Variants in CLVS1 observed in about 807,000 individuals in gnomAD.
CLVS1 encodes clavesin 1.
CLVS1 carries 10 observed loss-of-function variants against 33.1 expected under a neutral mutation model. That is an observed-to-expected ratio of 0.30 (90% CI 0.19 to 0.51). The LOEUF is 0.51. CLVS1 is among the 20% of genes least tolerant of loss of function. The pLI is 0.97. For synonymous variants in CLVS1, 163 were observed against 166.1 expected (o/e 0.98, Z 0.14); for missense variants, 343 against 433.4 (o/e 0.79, Z 1.85).
At chr8:61,171,100 C>G (rs1210063545) in intron 2 of CLVS1, among the ~76,000 whole-genome samples, 2 of 151,986 alleles carry the variant, frequency 1.3e-5, no homozygotes, top group South Asian at 2.1e-4. Context: ...AGTTTCGCAG[C>G]TTTCTGTTAG....
intron 1 of CLVS1, among the ~76,000 whole-genome samples, chr8:61,067,131 C>T (rs895990755): frequency 2.0e-5 from 3 of 152,138 alleles, no homozygotes; most frequent in Non-Finnish European, 4.4e-5. Flanking sequence ...TTCTCCTACA[C>T]CCTGACCTGT....
chr8:61,018,851 GAAGA>G, the CLVS1 span, among the ~76,000 whole-genome samples: 2 of 152,226 alleles, frequency 1.3e-5, no homozygotes, highest in Admixed American at 6.5e-5. Flanking sequence ...ACTTGCAATA[GAAGA>G]AAGAAAGTTA....
chr8:61,145,786 G>A (rs991763424), intron 2 of CLVS1, among the ~76,000 whole-genome samples: 7 of 152,184 alleles, frequency 4.6e-5, no homozygotes, highest in Non-Finnish European at 2.9e-5. Context: ...TTATGATGTC[G>A]TCTCTTTGTG....
intron 1 of CLVS1, among the ~76,000 whole-genome samples, chr8:61,098,530 C>A (rs1348380026): frequency 6.6e-6 from 1 of 152,024 alleles, no homozygotes. Context: ...TGCATAATAA[C>A]CATCACACTT....
chr8:61,277,924 G>C (rs1809593804), intron 2 of CLVS1, among the ~76,000 whole-genome samples: 1 of 152,098 alleles, frequency 6.6e-6, no homozygotes, highest in South Asian at 2.1e-4. Context: ...GCAACTAGTG[G>C]GAAGGCAAAT....
intron 2 of CLVS1, among the ~76,000 whole-genome samples, chr8:61,146,430 T>G (rs1183082003): frequency 2.0e-5 from 3 of 152,114 alleles, no homozygotes; most frequent in Non-Finnish European, 4.4e-5. Flanking sequence ...CTCTGAGTAA[T>G]GAGGGAGGAT....
At chr8:61,457,156 C>T (rs1032807752) in intron 4 of CLVS1, among the ~76,000 whole-genome samples, 1 of 151,902 alleles carries the variant, frequency 6.6e-6, no homozygotes, top group Non-Finnish European at 1.5e-5. Context: ...AGGCTGGTCT[C>T]GAACTCCTGA....
intron 1 of CLVS1, among the ~76,000 whole-genome samples, chr8:61,295,972 T>A (rs1039858384): frequency 6.6e-6 from 1 of 152,184 alleles, no homozygotes; most frequent in African/African-American, 2.4e-5. Context: ...TTCCACTTCT[T>A]CATGTTGTAC....
intron 2 of CLVS1, among the ~76,000 whole-genome samples, chr8:61,144,639 T>C (rs564178737): frequency 6.6e-6 from 1 of 152,318 alleles, no homozygotes; most frequent in African/African-American, 2.4e-5. Flanking sequence ...CACACTGTCT[T>C]CCACAATGGT....
chr8:61,174,534 A>G lies in CLVS1; in HGVS notation c.-152+42674A>G, dbSNP rs879441717. 2.6e-5 allele frequency among the ~76,000 whole-genome samples: 4 copies of G among 152,238 alleles called. No homozygotes were observed. The South Asian group carries it at 6.2e-4, about 24-fold the overall frequency. ...GAAAAAATGATAATGTGCAAAGTTA[A>G]AAATACACTGTGTGACCAGCTAGAA... On this transcript the variant is annotated intron_variant, in intron 2 of 2. Coordinates refer to the CLVS1 transcript ENST00000522621.
At chr8:61,087,431 T>C (rs1446057906) in intron 1 of CLVS1, among the ~76,000 whole-genome samples, 3 of 152,226 alleles carry the variant, frequency 2.0e-5, no homozygotes, top group African/African-American at 7.2e-5. Context: ...TATGATTTTC[T>C]CCATCAAGTG....
At chr8:61,132,953 C>T (rs1806127548) in intron 2 of CLVS1, among the ~76,000 whole-genome samples, 1 of 152,194 alleles carries the variant, frequency 6.6e-6, no homozygotes. Context: ...GTGGGCCTCA[C>T]AGGGTCTGGC....
At chr8:61,190,097 T>A (rs1238796484) in intron 2 of CLVS1, among the ~76,000 whole-genome samples, 1 of 152,194 alleles carries the variant, frequency 6.6e-6, no homozygotes, top group African/African-American at 2.4e-5. Context: ...ATTGCACTTA[T>A]TCTAAAATTG....
intron 2 of CLVS1, among the ~76,000 whole-genome samples, chr8:61,147,845 GA>G (rs575653657): frequency 4.5e-4 from 68 of 152,066 alleles, no homozygotes; most frequent in African/African-American, 1.5e-3. Context: ...AGGAAAGTGA[GA>G]AAAAAAACTT....
chr8:61,062,775 C>T (rs574396481), intron 1 of CLVS1, among the ~76,000 whole-genome samples: 2 of 152,286 alleles, frequency 1.3e-5, no homozygotes, highest in East Asian at 1.9e-4. Flanking sequence ...TCAGCTTCTC[C>T]ATATGTCTTT....
At chr8:61,273,690 G>C (rs972553575) in intron 2 of CLVS1, among the ~76,000 whole-genome samples, 2 of 152,326 alleles carry the variant, frequency 1.3e-5, no homozygotes, top group Non-Finnish European at 2.9e-5. Context: ...ATATAATCTC[G>C]TGGTGCGCCG....
chr8:61,155,575 A>G (rs145806512), intron 2 of CLVS1, among the ~76,000 whole-genome samples: 27 of 152,170 alleles, frequency 1.8e-4, no homozygotes, highest in African/African-American at 6.3e-4. Context: ...ATTTCAGAAT[A>G]AGACTTTTGA....
chr8:61,166,831 T>C (rs1472352427), intron 2 of CLVS1, among the ~76,000 whole-genome samples: 2 of 151,496 alleles, frequency 1.3e-5, no homozygotes, highest in Admixed American at 6.6e-5. Context: ...AAAAGTTCTA[T>C]GGTCAAAAGT....
At chr8:61,193,730 T>A (rs941400662) in intron 2 of CLVS1, among the ~76,000 whole-genome samples, 1 of 151,780 alleles carries the variant, frequency 6.6e-6, no homozygotes, top group African/African-American at 2.4e-5. Context: ...TATGGAACCC[T>A]ACTAAAAGAA....
Sources: allele counts gnomAD v4.1 joint callset (sites outside exome capture counted in the v4.1 genomes callset), GRCh38; gene constraint gnomAD v4.1.1; transcripts MANE v1.5; gene names NCBI Gene and HGNC (gene_info 2026-07-23, HGNC 2026-07-21).